Variants in COG7 observed in about 807,000 individuals in gnomAD.
COG7 encodes the protein component of oligomeric golgi complex 7, also known as conserved oligomeric Golgi complex subunit 7.
COG7 carries 49 observed loss-of-function variants against 91.5 expected under a neutral mutation model. The ratio of observed to expected loss-of-function variants is 0.54; its 90% CI spans 0.43 to 0.68. The LOEUF is 0.68. COG7 is among the 30% of genes least tolerant of loss of function. The pLI, the probability that COG7 is intolerant of heterozygous loss-of-function variation, is 0.00. For synonymous variants in COG7, 365 were observed against 388.7 expected (o/e 0.94, Z 0.72); for missense variants, 895 against 961.3 (o/e 0.93, Z 0.91).
At chr16:23,448,653 C>T (rs1964218498) in intron 1 of COG7, among the ~76,000 whole-genome samples, 3 of 152,114 alleles carry the variant, frequency 2.0e-5, no homozygotes, top group South Asian at 2.1e-4. Context: ...CCCTGGACTA[C>T]GCCTTCTTAT....
Position 23,413,474 on chromosome 16 carries a change from A to G in COG7, c.1383T>C (p.Asp461=), listed in dbSNP as rs1188125643. The change falls in exon 10 of 17, where the codon GAT becomes GAC. Residue 461 remains aspartate, a synonymous_variant. Coordinates refer to ENST00000307149, the MANE Select transcript of COG7 (RefSeq NM_153603.4). ...HIPPNSLFQE[D]WTAFQNSIRI... ...TAATGGAGTTCTGAAAAGCCGTCCA[A>G]TCTTCCTGGAAGAGGGAGTTGGGAG... is the stretch of plus-strand genomic sequence containing the variant. 1.2e-6 allele frequency: 2 copies of G among 1,607,826 alleles called. No individual in the cohort carries two copies. Among genetic ancestry groups the G allele is most frequent in the East Asian group, 4.5e-5 (2 of 44,870 alleles).
At chr16:23,403,578 A>G in intron 13 of COG7, 116 bp downstream of exon 13, 1 of 1,336,392 alleles carries the variant, frequency 7.5e-7, no homozygotes, top group Non-Finnish European at 1.1e-6. Context: ...GGCTTGGGAA[A>G]GTTAAAGCGG....
At chr16:23,423,918 G>A (rs16940121) in intron 7 of COG7, among the ~76,000 whole-genome samples, 3,848 of 152,220 alleles carry the variant, frequency 0.025, 86 homozygotes, top group Admixed American at 0.068. Context: ...GCTCTCAGTC[G>A]GCCACCGGGG....
chr16:23,393,181 C>A, intron 15 of COG7, 52 bp downstream of exon 15: 1 of 1,366,538 alleles, frequency 7.3e-7, no homozygotes, highest in Admixed American at 1.8e-5. Flanking sequence ...AGTTTCTACC[C>A]TGGAAACTGA....
At chr16:23,398,174 C>G (rs758014163) in intron 13 of COG7, 45 bp from the exon 14 acceptor site, 19 of 1,530,130 alleles carry the variant, frequency 1.2e-5, no homozygotes, top group Non-Finnish European at 1.6e-5. Context: ...AGCAGCCAGG[C>G]AGCTGTGAAG....
intron 4 of COG7, among the ~76,000 whole-genome samples, chr16:23,438,700 C>A (rs1036056648): frequency 6.6e-6 from 1 of 151,360 alleles, no homozygotes; most frequent in South Asian, 2.1e-4. Flanking sequence ...CATAAGATAC[C>A]ATTTCATACT....
At chr16:23,422,079 G>A (rs1034816268) in intron 7 of COG7, among the ~76,000 whole-genome samples, 3 of 152,116 alleles carry the variant, frequency 2.0e-5, no homozygotes, top group Non-Finnish European at 4.4e-5. Context: ...AGAGGCCAAG[G>A]CAGGAGAATC....
Position 23,447,926 on chromosome 16 carries a change from TAAAAA to T in COG7, c.170-1970_170-1966del, listed in dbSNP as rs949290007. On this transcript the variant is annotated intron_variant, in intron 1 of 16. Transcript: ENST00000307149. ...AAATAAATAAATAAATAAATAAAAA[TAAAAA>T]TAAAATCCCTGCATAACGTGGCCCC... is the stretch of plus-strand genomic sequence containing the variant. 6.6e-5 allele frequency among the ~76,000 whole-genome samples: 10 copies of T among 151,820 alleles called. 1 individual carries two copies. The highest frequency in any genetic ancestry group is 2.4e-4 in the African/African-American group (10 of 41,326).
rs758284210 is a variant in COG7 at position 23,443,029 on chromosome 16, G to A, written c.436-384C>T. Among the ~76,000 whole-genome samples, 10 of 137,134 alleles carry A rather than the reference G, an allele frequency of 7.3e-5. No individual in the cohort carries two copies. The East Asian group carries it at 1.1e-3, about 15-fold the overall frequency. The allele number at this position is 137,134 out of a possible 152,430, so 90.0% of individuals were successfully genotyped here. A position where few individuals can be genotyped will look rare whatever the true frequency, so the allele number is the denominator to read the frequency against. On this transcript the variant is annotated intron_variant, in intron 3 of 16. Transcript: ENST00000307149. Reference sequence around the variant, plus strand: ...AGCCTGGGCAACAGAGAAAGACCCCGTCTCAAAAAAAAAACAAAAAACCTG... The same window carrying A: ...AGCCTGGGCAACAGAGAAAGACCCCATCTCAAAAAAAAAACAAAAAACCTG...
chr16:23,428,567 A>G (rs1963885016), intron 6 of COG7, among the ~76,000 whole-genome samples: 1 of 152,142 alleles, frequency 6.6e-6, no homozygotes, highest in African/African-American at 2.4e-5. Context: ...ACCCACCAGC[A>G]TGGCTGAAAT....
Position 23,453,036 on chromosome 16 carries a change from G to A in COG7, c.-42C>T. ...GCCTGGCGTCCAGAACTTAAGAGTT[G>A]GCTCCGGGCGGCAACGGGGATGCAG... On this transcript the variant is annotated 5_prime_UTR_variant, in exon 1 of 17. Transcript: ENST00000307149. 6.2e-7 allele frequency: 1 copy of A among 1,611,922 alleles called. No individual in the cohort carries two copies. The highest frequency in any genetic ancestry group is 8.5e-7 in the Non-Finnish European group (1 of 1,178,700).
chr16:23,445,822 T>C lies in COG7; in HGVS notation c.309A>G (p.Gln103=). 1 of 1,613,784 alleles carries C rather than the reference T, an allele frequency of 6.2e-7. No individual in the cohort carries two copies. Among genetic ancestry groups the C allele is most frequent in the Non-Finnish European group, 8.5e-7 (1 of 1,179,864 alleles). Residue 103 remains glutamine, a synonymous_variant, in exon 2 of 17, where the codon CAA becomes CAG. Coordinates refer to ENST00000307149, the MANE Select transcript of COG7 (RefSeq NM_153603.4). ...AAAGGAGCCAAAATACCTGCATGGA[T>C]TGAGATGTGTCCTGTTCAAATTTTT... is the stretch of plus-strand genomic sequence containing the variant. ...DIKKFEQDTS[Q]SMQVLVEIDQ... is the part of the protein sequence containing the mutation.
At chr16:23,398,020 C>T in intron 14 of COG7, 26 bp downstream of exon 14, 1 of 1,601,296 alleles carries the variant, frequency 6.2e-7, no homozygotes, top group Non-Finnish European at 8.6e-7. Flanking sequence ...TTGGACCACC[C>T]TGGAGAAGCA....
At chr16:23,433,818 G>GTA in intron 5 of COG7, 151 bp from the exon 6 acceptor site, 1 of 701,502 alleles carries the variant, frequency 1.4e-6, no homozygotes, top group Non-Finnish European at 2.3e-6. Context: ...AAGAAAGGCA[G>GTA]GAAAAAAAAA....
rs1421200837 is a variant in COG7 at position 23,420,211 on chromosome 16, C to T, written c.1010-1384G>A. Among the ~76,000 whole-genome samples, 8 of 152,174 alleles carry T rather than the reference C, an allele frequency of 5.3e-5. No individual in the cohort carries two copies. The East Asian group carries it at 7.7e-4, about 15-fold the overall frequency. ...TTCAACCACATAAAAATGTAAAACACGCTGTATCAGAATGTAAATGTGCAT... is the reference window on the plus strand; with the variant it reads ...TTCAACCACATAAAAATGTAAAACATGCTGTATCAGAATGTAAATGTGCAT... On this transcript the variant is annotated intron_variant, in intron 7 of 16. Transcript: ENST00000307149.
In COG7 at chr16:23,445,872, T is replaced by C. The variant is rs951674595; in HGVS notation, c.259A>G (p.Met87Val). 3 of 1,613,634 alleles carry C rather than the reference T, an allele frequency of 1.9e-6. No individual in the cohort carries two copies. Among genetic ancestry groups the C allele is most frequent in the Non-Finnish European group, 1.7e-6 (2 of 1,179,954 alleles). ...KQEASFLKEQ[M>V]ILVKEDIKKF... Reference sequence around the variant, plus strand: ...TTAATGTCCTCCTTGACAAGAATCATCTGTTCTTTCAGGAAAGATGCCTCC... The same window carrying C: ...TTAATGTCCTCCTTGACAAGAATCACCTGTTCTTTCAGGAAAGATGCCTCC... Residue 87 changes from methionine to valine, a missense_variant, in exon 2 of 17, where the codon ATG (methionine) becomes GTG (valine). Physicochemically the swap from Met to Val is conservative, Grantham distance 21. Transcript: ENST00000307149.
intron 4 of COG7, among the ~76,000 whole-genome samples, chr16:23,438,602 G>T (rs1964048859): frequency 6.6e-6 from 1 of 151,796 alleles, no homozygotes; most frequent in East Asian, 1.9e-4. Flanking sequence ...GATTTGAATA[G>T]ACATTTTTCC....
chr16:23,401,020 T>C (rs1432943761), intron 13 of COG7, among the ~76,000 whole-genome samples: 13 of 150,700 alleles, frequency 8.6e-5, no homozygotes, highest in South Asian at 2.1e-4. Context: ...TTGAGGGCAA[T>C]AGGGAAATGC....
chr16:23,453,147 T>A lies in COG7; in HGVS notation c.-153A>T. 1 of 1,414,232 alleles carries A rather than the reference T, an allele frequency of 7.1e-7. No individual in the cohort carries two copies. The highest frequency in any genetic ancestry group is 9.3e-7 in the Non-Finnish European group (1 of 1,074,446). The allele number at this position is 1,414,232 out of a possible 1,614,324, so 87.6% of individuals were successfully genotyped here. A position where few individuals can be genotyped will look rare whatever the true frequency, so the allele number is the denominator to read the frequency against. On this transcript the variant is annotated 5_prime_UTR_variant, in exon 1 of 17. It adds an upstream start codon to the 5' untranslated region. Transcript: ENST00000307149. ...GGACGGGTAACTTGCCCCTTTGCGC[T>A]TCCCCGCTCAGCGCACTCAGTTTGC...
Sources: gnomAD v4.1 joint callset for allele counts (sites outside exome capture counted in the v4.1 genomes callset) on GRCh38, gnomAD v4.1.1 for gene constraint, MANE v1.5 for transcripts, NCBI Gene and HGNC (gene_info 2026-07-23, HGNC 2026-07-21) for gene names.